Variants in CYP19A1 observed in about 807,000 individuals in gnomAD.
CYP19A1 encodes cytochrome P450 family 19 subfamily A member 1.
Under a neutral mutation model 44.4 loss-of-function variants are expected in CYP19A1, and 32 were observed. That is an observed-to-expected ratio of 0.72 (90% CI 0.54 to 0.97). The LOEUF (loss-of-function observed/expected upper bound fraction) is 0.97. CYP19A1 is among the 50% of genes least tolerant of loss of function. The pLI is 0.00. For synonymous variants in CYP19A1, 212 were observed against 215.6 expected (o/e 0.98, Z 0.14); for missense variants, 598 against 637.8 (o/e 0.94, Z 0.67).
At chr15:51,217,108 A>G (rs1377727308) in intron 6 of CYP19A1, among the ~76,000 whole-genome samples, 2 of 152,246 alleles carry the variant, frequency 1.3e-5, no homozygotes, top group Non-Finnish European at 2.9e-5. Flanking sequence ...TACAAAGAAC[A>G]GATATTCACT....
rs2031429221 is a variant in CYP19A1, at chr15:51,215,077, A to T, written c.1014T>A (p.Thr338=). Residue 338 remains threonine (T), a synonymous_variant, in exon 8 of 10, where the codon ACT becomes ACA. Transcript: ENST00000396402. The part of the protein sequence containing the change: ...VEEAIIKEIQ[T]VIGERDIKID... ...TATTTGATAAATTCTTACCAATAAC[A>T]GTCTGGATTTCCTTTATTATTGCCT... is the stretch of plus-strand genomic sequence containing the variant. The T allele has an allele frequency of 1.2e-6, 2 of 1,613,520 alleles. No homozygotes were observed.
chr15:51,274,685 G>C (rs2035241494), intron 1 of CYP19A1, among the ~76,000 whole-genome samples: 1 of 152,160 alleles, frequency 6.6e-6, no homozygotes, highest in Non-Finnish European at 1.5e-5. Context: ...AGTGATGGAA[G>C]GATCACAAGA....
chr15:51,234,795 C>G (rs925541139), intron 3 of CYP19A1, among the ~76,000 whole-genome samples: 1 of 152,164 alleles, frequency 6.6e-6, no homozygotes, highest in African/African-American at 2.4e-5. Context: ...GTCCTACCCC[C>G]AGAGGTTCTG....
chr15:51,246,525 C>T (rs1210100071), intron 1 of CYP19A1, among the ~76,000 whole-genome samples: 2 of 151,882 alleles, frequency 1.3e-5, no homozygotes, highest in African/African-American at 2.4e-5. Context: ...CCAACCTCTG[C>T]GTAAGAAAAC....
At chr15:51,237,123 A>G (rs2033451996) in intron 2 of CYP19A1, 114 bp from the exon 3 acceptor site, 8 of 1,158,856 alleles carry the variant, frequency 6.9e-6, no homozygotes, top group Non-Finnish European at 8.8e-6. Flanking sequence ...CATGTGATGT[A>G]TATCTGTGAA....
At chr15:51,262,619 T>C (rs1187359181) in intron 1 of CYP19A1, among the ~76,000 whole-genome samples, 1 of 152,234 alleles carries the variant, frequency 6.6e-6, no homozygotes, top group South Asian at 2.1e-4. Context: ...ACTTGAGGCC[T>C]CCTCACTCCC....
intron 1 of CYP19A1, among the ~76,000 whole-genome samples, chr15:51,287,232 G>A (rs556096730): frequency 6.6e-6 from 1 of 152,318 alleles, no homozygotes; most frequent in South Asian, 2.1e-4. Flanking sequence ...GACAAGCCCA[G>A]TCAAAACAGT....
At chr15:51,249,601 C>T (rs951913449) in intron 1 of CYP19A1, among the ~76,000 whole-genome samples, 2 of 152,096 alleles carry the variant, frequency 1.3e-5, no homozygotes, top group Non-Finnish European at 2.9e-5. Flanking sequence ...TCTTTCTAGA[C>T]GCGGGAGGCA....
At chr15:51,288,436 T>TG (rs1262712722) in intron 1 of CYP19A1, among the ~76,000 whole-genome samples, 1 of 152,202 alleles carries the variant, frequency 6.6e-6, no homozygotes, top group African/African-American at 2.4e-5. Context: ...CCACACCCTT[T>TG]GGGGGTTCCT....
At chr15:51,311,581 T>G (rs1280285931) in intron 1 of CYP19A1, among the ~76,000 whole-genome samples, 1 of 152,206 alleles carries the variant, frequency 6.6e-6, no homozygotes, top group Non-Finnish European at 1.5e-5. Context: ...GGCTGAAAAC[T>G]TCCCAGATTT....
intron 3 of CYP19A1, among the ~76,000 whole-genome samples, chr15:51,233,083 T>G (rs1318909992): frequency 1.3e-5 from 2 of 152,262 alleles, no homozygotes; most frequent in South Asian, 2.1e-4. Context: ...CATGGGCTAC[T>G]TGCTCATTTC....
chr15:51,284,819 G>A (rs1040018248), intron 1 of CYP19A1, among the ~76,000 whole-genome samples: 4 of 152,226 alleles, frequency 2.6e-5, no homozygotes, highest in African/African-American at 9.6e-5. Context: ...TGGGGAAGAA[G>A]ATTTGCTTGT....
chr15:51,248,950 T>A (rs2034187485), intron 1 of CYP19A1, among the ~76,000 whole-genome samples: 1 of 151,246 alleles, frequency 6.6e-6, no homozygotes, highest in Non-Finnish European at 1.5e-5. Context: ...TTTTTTTTTT[T>A]AGACAGAGTC....
intron 9 of CYP19A1, among the ~76,000 whole-genome samples, chr15:51,211,911 T>G (rs1191216252): frequency 6.6e-6 from 1 of 151,962 alleles, no homozygotes; most frequent in Non-Finnish European, 1.5e-5. Context: ...TCTTTTGGTC[T>G]CATTTGATTT....
At chr15:51,291,974 G>A (rs1159322284) in intron 1 of CYP19A1, among the ~76,000 whole-genome samples, 1 of 152,224 alleles carries the variant, frequency 6.6e-6, no homozygotes, top group Non-Finnish European at 1.5e-5. Flanking sequence ...AACAAGAAAA[G>A]GCTGGCTACT....
chr15:51,307,883 G>A (rs2036242665), intron 1 of CYP19A1, among the ~76,000 whole-genome samples: 2 of 152,162 alleles, frequency 1.3e-5, no homozygotes, highest in Admixed American at 6.5e-5. Context: ...GTGAAGGACC[G>A]GAGACACTAA....
chr15:51,301,653 TTTGA>T (rs59379238), intron 1 of CYP19A1, among the ~76,000 whole-genome samples: 21,943 of 151,998 alleles, frequency 0.14, 2,897 homozygotes, highest in African/African-American at 0.34. Context: ...CTCGTCATCC[TTTGA>T]TTGACTAGAC....
chr15:51,267,867 C>T (rs34712049), intron 1 of CYP19A1, among the ~76,000 whole-genome samples: 58,633 of 152,090 alleles, frequency 0.39, 11,783 homozygotes, highest in East Asian at 0.45. Flanking sequence ...CCCACCCCAG[C>T]TTAGCAGGCG....
intron 1 of CYP19A1, among the ~76,000 whole-genome samples, chr15:51,318,189 A>G (rs1244198905): frequency 1.3e-5 from 2 of 150,918 alleles, no homozygotes; most frequent in Non-Finnish European, 2.9e-5. Context: ...TACATGATCT[A>G]ATTTACTGCC....
Sources: allele counts gnomAD v4.1 joint callset (sites outside exome capture counted in the v4.1 genomes callset), GRCh38; gene constraint gnomAD v4.1.1; transcripts MANE v1.5; gene names NCBI Gene and HGNC (gene_info 2026-07-23, HGNC 2026-07-21).